The following GFM2 variants were observed in gnomAD, a reference collection of about 807,000 sequenced individuals.
GFM2 encodes ribosome-releasing factor 2, mitochondrial.
GFM2 carries 72 observed loss-of-function variants against 95.4 expected under a neutral mutation model. That is an observed-to-expected ratio of 0.76 (90% CI 0.62 to 0.92). The LOEUF is 0.92. Among genes scored for constraint, GFM2 ranks in the 40% least tolerant of loss-of-function variants. The pLI is 0.00. For synonymous variants in GFM2, 276 were observed against 317.5 expected (o/e 0.87, Z 1.39); for missense variants, 825 against 924.1 (o/e 0.89, Z 1.39).
At chr5:74,728,249 C>T (rs1311446998) in intron 17 of GFM2, among the ~76,000 whole-genome samples, 1 of 152,064 alleles carries the variant, frequency 6.6e-6, no homozygotes, top group African/African-American at 2.4e-5. Context: ...ATACTGTTAA[C>T]AGGAAGACTT....
At chr5:74,734,249 T>C (rs1742716338) in intron 15 of GFM2, among the ~76,000 whole-genome samples, 1 of 152,060 alleles carries the variant, frequency 6.6e-6, no homozygotes, top group Admixed American at 6.5e-5. Flanking sequence ...CTCAGTAATA[T>C]TAATAATTTT....
rs1237664743 is a variant in GFM2, at chr5:74,721,397, A to G, written c.*258T>C. Reference sequence around the variant, plus strand: ...TTGTGATACCACTCTTCTGAAGGCTACTTATAGTAATAACTTCATAGATGA... The same window carrying G: ...TTGTGATACCACTCTTCTGAAGGCTGCTTATAGTAATAACTTCATAGATGA... On this transcript the variant is annotated 3_prime_UTR_variant, in exon 21 of 21. Coordinates refer to ENST00000296805, the MANE Select transcript of GFM2 (RefSeq NM_032380.5). The G allele has an allele frequency of 1.1e-5, 8 of 717,734 alleles. No individual in the cohort carries two copies. The African/African-American group carries it at 1.2e-4, about 11-fold the overall frequency. The allele number at this position is 717,734 out of a possible 1,614,324, so 44.5% of individuals were successfully genotyped here. A position where few individuals can be genotyped will look rare whatever the true frequency, so the allele number is the denominator to read the frequency against.
rs747502526 is a variant in GFM2 at position 74,721,717 on chromosome 5, A to C, written c.2278T>G (p.Tyr760Asp). The stretch of plus-strand genomic sequence containing the variant: ...TGATCTTGAGGATTCATGGCTTGAT[A>C]AGTAGATAGTTCTAAGGCAAAAGTA... Reference protein sequence around the residue: ...SATFALELSTYQAMNPQDQNT... With the variant: ...SATFALELSTDQAMNPQDQNT... The change falls in exon 21 of 21, where the codon TAT (tyrosine) becomes GAT (aspartate). Residue 760 changes from tyrosine (Y) to aspartate (D), a missense_variant. Tyr to Asp is a radical substitution (Grantham distance 160). Coordinates refer to ENST00000296805, the MANE Select transcript of GFM2 (RefSeq NM_032380.5). 1 of 1,613,794 alleles carries C rather than the reference A, an allele frequency of 6.2e-7. No homozygotes were observed. Among genetic ancestry groups the C allele is most frequent in the South Asian group, 1.1e-5 (1 of 91,040 alleles).
chr5:74,725,885 G>A (rs1750123501), intron 18 of GFM2, 56 bp downstream of exon 18: 2 of 1,501,362 alleles, frequency 1.3e-6, no homozygotes, highest in African/African-American at 2.8e-5. Context: ...GTAATATAAG[G>A]AGTGATTAAA....
At chr5:74,722,176 C>G (rs1749924233) in intron 20 of GFM2, 2 of 577,002 alleles carry the variant, frequency 3.5e-6, no homozygotes, top group South Asian at 2.3e-5. Context: ...GTAAATACCC[C>G]CTTGTAGTGC....
At chr5:74,721,813 T>A in intron 20 of GFM2, 30 bp from the exon 21 acceptor site, 1 of 1,579,588 alleles carries the variant, frequency 6.3e-7, no homozygotes, top group Non-Finnish European at 8.6e-7. Context: ...TCATTTATAT[T>A]ATCAAATTTA....
intron 8 of GFM2, among the ~76,000 whole-genome samples, chr5:74,747,064 A>T (rs1425385259): frequency 1.3e-5 from 2 of 152,032 alleles, no homozygotes; most frequent in Non-Finnish European, 2.9e-5. Context: ...AATATTCTTG[A>T]TTCTCTCCCT....
chr5:74,743,989 A>C (rs953361973), intron 10 of GFM2, among the ~76,000 whole-genome samples: 1 of 152,248 alleles, frequency 6.6e-6, no homozygotes, highest in African/African-American at 2.4e-5. Context: ...AATAACAATT[A>C]TTATGTTAAT....
At chr5:74,722,669 A>G in intron 19 of GFM2, 108 bp from the exon 20 acceptor site, 1 of 813,750 alleles carries the variant, frequency 1.2e-6, no homozygotes. Flanking sequence ...CTCTCTCTTT[A>G]AAGATAACGT....
chr5:74,751,224 A>T, intron 6 of GFM2, 144 bp downstream of exon 6: 1 of 729,114 alleles, frequency 1.4e-6, no homozygotes, highest in Admixed American at 2.7e-5. Context: ...TAACACTACT[A>T]AACTGTACAC....
At chr5:74,745,527 C>A in intron 10 of GFM2, 151 bp downstream of exon 10, 1 of 586,254 alleles carries the variant, frequency 1.7e-6, no homozygotes, top group Non-Finnish European at 3.0e-6. Flanking sequence ...GCAAATACTA[C>A]ATCATTTTAT....
chr5:74,753,254 A>G (rs1301472969), intron 5 of GFM2, among the ~76,000 whole-genome samples: 1 of 152,158 alleles, frequency 6.6e-6, no homozygotes, highest in Admixed American at 6.5e-5. Flanking sequence ...ACTTAGACAA[A>G]TGCAAAATAC....
chr5:74,746,940 C>T (rs1195143159), intron 8 of GFM2, among the ~76,000 whole-genome samples: 1 of 152,100 alleles, frequency 6.6e-6, no homozygotes, highest in Non-Finnish European at 1.5e-5. Flanking sequence ...GAGATAAACA[C>T]AAAGCATATT....
intron 8 of GFM2, among the ~76,000 whole-genome samples, chr5:74,746,515 T>A (rs1050215300): frequency 6.6e-6 from 1 of 152,216 alleles, no homozygotes; most frequent in Non-Finnish European, 1.5e-5. Flanking sequence ...AGATTTGTGA[T>A]AAGCCAAGGA....
intron 13 of GFM2, 42 bp downstream of exon 13, chr5:74,738,460 A>C (rs1742943160): frequency 6.2e-7 from 1 of 1,610,392 alleles, no homozygotes; most frequent in Non-Finnish European, 8.5e-7. Context: ...ATTTTTAAAG[A>C]AGTGCATACA....
At position 74,741,545 on chromosome 5, in the gene GFM2, A is replaced by G. The variant is rs755476784; in HGVS notation, c.914T>C (p.Leu305Ser). The G allele has an allele frequency of 1.3e-6, 2 of 1,554,422 alleles. No homozygotes were observed. The highest frequency in any genetic ancestry group is 1.8e-6 in the Non-Finnish European group (2 of 1,131,956). Reference sequence around the variant, plus strand: ...AAAATTTACCTTTTCAGCTGGTAACAAATCAAAATTCTCACTAAATTCTTC... The same window carrying G: ...AAAATTTACCTTTTCAGCTGGTAACGAATCAAAATTCTCACTAAATTCTTC... ...VLEEFSENFD[L>S]LPAEKLQTAI... Residue 305 changes from leucine to serine, a missense_variant, in exon 11 of 21, where the codon TTG (leucine) becomes TCG (serine). Leu to Ser is a moderately radical substitution (Grantham distance 145). Transcript: ENST00000296805.
At chr5:74,749,098 C>T (rs926142152) in intron 7 of GFM2, among the ~76,000 whole-genome samples, 3 of 151,892 alleles carry the variant, frequency 2.0e-5, no homozygotes, top group African/African-American at 7.3e-5. Context: ...CAGCCCCAAC[C>T]TCCCTGCTGG....
At position 74,721,381 on chromosome 5, in the gene GFM2, C is replaced by G; in HGVS notation, c.*274G>C. 1 of 726,370 alleles carries G rather than the reference C, an allele frequency of 1.4e-6. No individual in the cohort carries two copies. The highest frequency in any genetic ancestry group is 2.5e-6 in the Non-Finnish European group (1 of 400,282). The allele number at this position is 726,370 out of a possible 1,614,324, so 45.0% of individuals were successfully genotyped here. On this transcript the variant is annotated 3_prime_UTR_variant, in exon 21 of 21. Coordinates refer to ENST00000296805, the MANE Select transcript of GFM2 (RefSeq NM_032380.5). The stretch of plus-strand genomic sequence containing the variant: ...CAAAAGAAACACAACTTTGTGATAC[C>G]ACTCTTCTGAAGGCTACTTATAGTA...
intron 5 of GFM2, among the ~76,000 whole-genome samples, chr5:74,754,939 T>C (rs1278738786): frequency 6.6e-6 from 1 of 151,758 alleles, no homozygotes; most frequent in Non-Finnish European, 1.5e-5. Flanking sequence ...AACATAAAAA[T>C]ACAAAAATTA....
Sources: gnomAD v4.1 joint callset for allele counts (sites outside exome capture counted in the v4.1 genomes callset) on GRCh38, gnomAD v4.1.1 for gene constraint, MANE v1.5 for transcripts, NCBI Gene and HGNC (gene_info 2026-07-23, HGNC 2026-07-21) for gene names.